Variants in RYK observed in about 807,000 individuals in gnomAD.
RYK encodes inactive tyrosine-protein kinase RYK.
A neutral mutation model predicts 70.2 loss-of-function variants in RYK; 21 were observed. The ratio of observed to expected loss-of-function variants is 0.30; its 90% CI spans 0.21 to 0.43. The LOEUF is 0.43. Ranked by LOEUF, RYK falls within the 20% of genes least tolerant of loss-of-function variation. The pLI, the probability that RYK is intolerant of heterozygous loss-of-function variation, is 1.00. For missense variants in RYK, 604 were observed against 753.3 expected (o/e 0.80, Z 2.32); for synonymous variants, 267 against 278.0 (o/e 0.96, Z 0.39).
At chr3:134,213,483 A>G (rs1281240062) in intron 2 of RYK, among the ~76,000 whole-genome samples, 3 of 152,142 alleles carry the variant, frequency 2.0e-5, no homozygotes, top group Non-Finnish European at 4.4e-5. Flanking sequence ...TCATCAGCCC[A>G]CTGCTGGCCC....
intron 11 of RYK, among the ~76,000 whole-genome samples, chr3:134,177,027 CAG>C: frequency 6.6e-6 from 1 of 151,628 alleles, no homozygotes; most frequent in Non-Finnish European, 1.5e-5. Flanking sequence ...GCCTGGGCGA[CAG>C]AGCGAGACTC....
chr3:134,197,088 T>A (rs533078826), intron 6 of RYK, among the ~76,000 whole-genome samples: 8 of 152,230 alleles, frequency 5.3e-5, no homozygotes, highest in Non-Finnish European at 1.2e-4. Context: ...ACCTGATACT[T>A]CTTCTTGTGA....
intron 6 of RYK, among the ~76,000 whole-genome samples, chr3:134,202,298 TA>T (rs2014051836): frequency 6.6e-6 from 1 of 152,342 alleles, no homozygotes; most frequent in South Asian, 2.1e-4. Context: ...TCCTTGACTC[TA>T]ATGTGTAACC....
chr3:134,207,549 T>C, intron 4 of RYK, 24 bp from the exon 5 acceptor site: 3 of 1,480,214 alleles, frequency 2.0e-6, no homozygotes, highest in South Asian at 2.6e-5. Flanking sequence ...AGAAAAATGA[T>C]GCTTTAGAAA....
chr3:134,216,085 GA>G (rs1400934436), intron 2 of RYK, among the ~76,000 whole-genome samples: 2 of 149,628 alleles, frequency 1.3e-5, no homozygotes, highest in Non-Finnish European at 3.0e-5. Context: ...GAAAAAAAAA[GA>G]AACAAATTAC....
chr3:134,222,410 T>C lies in RYK; in HGVS notation c.354+8A>G. ...TGTCATGATGTCTGTGGTTAGCCAC[T>C]CTCTTACCTTGGACTTCGCATGCCA... On this transcript the variant is annotated splice_region_variant and intron_variant, in intron 2 of 14. Coordinates refer to ENST00000623711, the MANE Select transcript of RYK (RefSeq NM_002958.4). 6.2e-7 allele frequency: 1 copy of C among 1,612,504 alleles called. No homozygotes were observed. The highest frequency in any genetic ancestry group is 8.5e-7 in the Non-Finnish European group (1 of 1,179,640).
chr3:134,193,576 G>C (rs541871773), intron 7 of RYK, among the ~76,000 whole-genome samples: 62 of 152,298 alleles, frequency 4.1e-4, no homozygotes, highest in Admixed American at 7.2e-4. Context: ...CCATTCTAAT[G>C]AGCAAAGATT....
intron 2 of RYK, among the ~76,000 whole-genome samples, chr3:134,214,408 T>A (rs2014492188): frequency 6.6e-6 from 1 of 152,198 alleles, no homozygotes; most frequent in Admixed American, 6.5e-5. Flanking sequence ...CATAGCAGGA[T>A]GCAGCAGCCA....
At chr3:134,206,090 CA>C (rs1210534721) in intron 5 of RYK, among the ~76,000 whole-genome samples, 8 of 152,150 alleles carry the variant, frequency 5.3e-5, no homozygotes, top group Non-Finnish European at 8.8e-5. Flanking sequence ...GCAACAGTGA[CA>C]TTTTTTTTAA....
chr3:134,244,878 A>C (rs1280827201), intron 1 of RYK, among the ~76,000 whole-genome samples: 1 of 152,218 alleles, frequency 6.6e-6, no homozygotes, highest in Non-Finnish European at 1.5e-5. Flanking sequence ...AGTCCTCATG[A>C]ATGGGATTAG....
chr3:134,192,027 T>C (rs756934212), intron 7 of RYK, 53 bp from the exon 8 acceptor site: 41 of 1,588,592 alleles, frequency 2.6e-5, no homozygotes, highest in African/African-American at 4.1e-5. Flanking sequence ...TATTATGGTA[T>C]TGGAGTCAAC....
chr3:134,157,986 T>A lies in RYK; in HGVS notation c.*167A>T, dbSNP rs1012755592. The A allele has an allele frequency of 2.5e-6, 1 of 401,104 alleles. No homozygotes were observed. Among genetic ancestry groups the A allele is most frequent in the African/African-American group, 2.1e-5 (1 of 48,742 alleles). 24.8% of individuals were successfully genotyped at this position (401,104 alleles called of 1,614,324 possible). A position where few individuals can be genotyped will look rare whatever the true frequency, so the allele number is the denominator to read the frequency against. ...GATATCTAGAAAATATGCCACATTA[T>A]TAAGTCTGTCTTAAAAAGTTCAGAT... On this transcript the variant is annotated 3_prime_UTR_variant, in exon 15 of 15. Coordinates refer to ENST00000623711, the MANE Select transcript of RYK (RefSeq NM_002958.4).
chr3:134,190,667 C>T (rs2013618104), intron 8 of RYK, among the ~76,000 whole-genome samples: 1 of 151,948 alleles, frequency 6.6e-6, no homozygotes. Flanking sequence ...TTTCTGAAAT[C>T]AAAAGAATTT....
intron 1 of RYK, among the ~76,000 whole-genome samples, chr3:134,237,808 C>G (rs978875064): frequency 6.6e-6 from 1 of 152,174 alleles, no homozygotes; most frequent in African/African-American, 2.4e-5. Flanking sequence ...AGCCAAAACA[C>G]TATTATTTTA....
At chr3:134,186,063 C>T (rs920842071) in intron 9 of RYK, among the ~76,000 whole-genome samples, 1 of 152,060 alleles carries the variant, frequency 6.6e-6, no homozygotes, top group African/African-American at 2.4e-5. Context: ...CTAAAAGTTA[C>T]AAGGATGCAC....
intron 1 of RYK, among the ~76,000 whole-genome samples, chr3:134,227,972 C>T (rs569045353): frequency 6.6e-6 from 1 of 152,216 alleles, no homozygotes; most frequent in South Asian, 2.1e-4. Flanking sequence ...CGTGCCTGGC[C>T]TGACTTTGGA....
intron 1 of RYK, among the ~76,000 whole-genome samples, chr3:134,245,460 G>C (rs938558802): frequency 6.6e-6 from 1 of 152,006 alleles, no homozygotes; most frequent in Admixed American, 6.6e-5. Context: ...ACTTTTGCAA[G>C]ATGGCAAAGT....
chr3:134,189,031 G>A (rs1030660316), intron 8 of RYK, 108 bp from the exon 9 acceptor site: 1 of 613,568 alleles, frequency 1.6e-6, no homozygotes, highest in Non-Finnish European at 2.7e-6. Context: ...GGTCATATGT[G>A]ATCAACATTA....
chr3:134,242,040 G>A (rs1293278780), intron 1 of RYK, among the ~76,000 whole-genome samples: 2 of 152,112 alleles, frequency 1.3e-5, no homozygotes, highest in South Asian at 2.1e-4. Context: ...GGTGGCTCAC[G>A]CCTGTAATCC....
Sources: allele counts gnomAD v4.1 joint callset (sites outside exome capture counted in the v4.1 genomes callset), GRCh38; gene constraint gnomAD v4.1.1; transcripts MANE v1.5; gene names NCBI Gene and HGNC (gene_info 2026-07-23, HGNC 2026-07-21).